GADL1: variants seen among roughly 807,000 people sequenced by gnomAD.
The protein encoded by GADL1 is GAD like acidic amino acid decarboxylase 1.
GADL1 carries 71 observed loss-of-function variants against 69.5 expected under a neutral mutation model. The ratio of observed to expected loss-of-function variants is 1.02; its 90% confidence interval spans 0.84 to 1.25. The LOEUF is 1.25. Ranked by LOEUF, GADL1 falls within the 50% of genes most tolerant of loss-of-function variation. The pLI, the probability that GADL1 is intolerant of heterozygous loss-of-function variation, is 0.00. For missense variants in GADL1, 737 were observed against 631.8 expected, an observed-to-expected ratio of 1.17 and a Z score of -1.79; for synonymous variants, 254 against 214.4, an observed-to-expected ratio of 1.18 and a Z score of -1.62.
At chr3:30,803,641 C>T (rs528529897) in intron 11 of GADL1, among the ~76,000 whole-genome samples, 1 of 152,194 alleles carries the variant, frequency 6.6e-6, no homozygotes, top group South Asian at 2.1e-4. Context: ...GCAATAGTGA[C>T]AGTTAATTTT....
At chr3:30,866,565 G>C (rs997541615) in intron 1 of GADL1, among the ~76,000 whole-genome samples, 13 of 152,040 alleles carry the variant, frequency 8.6e-5, no homozygotes, top group African/African-American at 3.1e-4. Flanking sequence ...CAAATGACCA[G>C]GGTAATAAAC....
intron 14 of GADL1, among the ~76,000 whole-genome samples, chr3:30,741,021 A>ATTAAT (rs1448117660): frequency 8.0e-4 from 70 of 87,500 alleles, no homozygotes; most frequent in African/African-American, 4.2e-3. Context: ...TATATTATAT[A>ATTAAT]ATATATTATA....
chr3:30,815,029 C>T (rs746353344), intron 11 of GADL1, among the ~76,000 whole-genome samples: 5 of 151,932 alleles, frequency 3.3e-5, no homozygotes, highest in East Asian at 3.9e-4. Flanking sequence ...ACAGTAAATA[C>T]TTAGCCACTA....
At chr3:30,792,316 T>C (rs1161306097) in intron 12 of GADL1, among the ~76,000 whole-genome samples, 3 of 152,204 alleles carry the variant, frequency 2.0e-5, no homozygotes, top group African/African-American at 2.4e-5. Flanking sequence ...CTTATGCCTA[T>C]AATCCTAGCA....
At chr3:30,779,961 G>C (rs1264776505) in intron 13 of GADL1, among the ~76,000 whole-genome samples, 1 of 152,100 alleles carries the variant, frequency 6.6e-6, no homozygotes, top group Admixed American at 6.6e-5. Flanking sequence ...CAGAATCTGT[G>C]GTTCATTTCA....
chr3:30,730,875 G>C (rs963654898), intron 14 of GADL1, among the ~76,000 whole-genome samples: 66 of 152,258 alleles, frequency 4.3e-4, no homozygotes, highest in Non-Finnish European at 7.4e-5. Context: ...GTGTGTGCCT[G>C]TGCATATATG....
chr3:30,885,812 G>T (rs1575248440), intron 1 of GADL1, among the ~76,000 whole-genome samples: 1 of 151,582 alleles, frequency 6.6e-6, no homozygotes. Flanking sequence ...TCACCATGCT[G>T]CCCAGGCTGG....
At chr3:30,737,053 A>C (rs1288840287) in intron 14 of GADL1, among the ~76,000 whole-genome samples, 1 of 152,174 alleles carries the variant, frequency 6.6e-6, no homozygotes, top group Non-Finnish European at 1.5e-5. Context: ...AAGGTTGAAG[A>C]ATACTATTTG....
intron 13 of GADL1, among the ~76,000 whole-genome samples, chr3:30,779,293 C>A (rs1191794166): frequency 6.6e-6 from 1 of 152,214 alleles, no homozygotes; most frequent in Admixed American, 6.5e-5. Flanking sequence ...ATGCTTCACA[C>A]TGACAATATT....
At chr3:30,884,890 A>ACTG (rs1159080184) in intron 1 of GADL1, among the ~76,000 whole-genome samples, 4 of 152,026 alleles carry the variant, frequency 2.6e-5, no homozygotes, top group Non-Finnish European at 5.9e-5. Flanking sequence ...CCTAGGAGGT[A>ACTG]AGCAGTGTTG....
At chr3:30,823,719 G>A (rs1219859068) in intron 11 of GADL1, among the ~76,000 whole-genome samples, 1 of 151,966 alleles carries the variant, frequency 6.6e-6, no homozygotes, top group Non-Finnish European at 1.5e-5. Flanking sequence ...GAAGTTAACA[G>A]AAGAGATGGT....
In GADL1 at chr3:30,728,523, C is replaced by A. The variant is rs1432637250; in HGVS notation, c.1393-108G>T. The stretch of plus-strand genomic sequence containing the variant: ...TTACTGGGCATCCACTGGTTTGGAT[C>A]CCATTCTCATTCACACAAGGTTGAC... On this transcript the variant is annotated intron_variant, in intron 14 of 14. Transcript: ENST00000282538. 6 of 788,672 alleles carry A rather than the reference C, an allele frequency of 7.6e-6. No homozygotes were observed. In the East Asian group the frequency reaches 1.6e-4, roughly 21 times the overall value. 48.9% of individuals were successfully genotyped at this position (788,672 alleles called of 1,614,324 possible).
chr3:30,776,565 C>T (rs9810721), intron 14 of GADL1, among the ~76,000 whole-genome samples: 22,183 of 152,152 alleles, frequency 0.15, 4,257 homozygotes, highest in African/African-American at 0.43. Flanking sequence ...TCTTTGCTCC[C>T]TGAGAGGGTT....
intron 14 of GADL1, among the ~76,000 whole-genome samples, chr3:30,776,427 A>G (rs1696537370): frequency 6.6e-6 from 1 of 152,162 alleles, no homozygotes; most frequent in South Asian, 2.1e-4. Context: ...GGGTTACTTA[A>G]CATCTGAAAT....
chr3:30,867,423 C>CATATATATATATATATATATATATATAT (rs148660336), intron 1 of GADL1, among the ~76,000 whole-genome samples: 40 of 115,070 alleles, frequency 3.5e-4, no homozygotes, highest in African/African-American at 1.0e-3. Flanking sequence ...TACAATACTA[C>CATATATATATATATATATATATATATAT]ATATATATAT....
intron 1 of GADL1, among the ~76,000 whole-genome samples, chr3:30,893,928 C>G (rs1698818255): frequency 6.6e-6 from 1 of 152,112 alleles, no homozygotes; most frequent in Admixed American, 6.5e-5. Context: ...TCCTAAAACG[C>G]CAACAACTAG....
intron 1 of GADL1, among the ~76,000 whole-genome samples, chr3:30,878,787 T>C (rs1273051613): frequency 6.6e-6 from 1 of 151,910 alleles, no homozygotes; most frequent in Non-Finnish European, 1.5e-5. Context: ...AGAGAAAATA[T>C]AGTATCCTTA....
chr3:30,855,290 T>C (rs1389970989), intron 3 of GADL1, among the ~76,000 whole-genome samples: 4 of 152,106 alleles, frequency 2.6e-5, no homozygotes, highest in Non-Finnish European at 5.9e-5. Flanking sequence ...TGCTCCTCTT[T>C]TTTACAACCC....
At chr3:30,820,119 A>G (rs1366546139) in intron 11 of GADL1, among the ~76,000 whole-genome samples, 2 of 151,950 alleles carry the variant, frequency 1.3e-5, no homozygotes, top group Non-Finnish European at 2.9e-5. Flanking sequence ...ATCCACTAAT[A>G]TATTTAAAAT....
Sources: allele counts gnomAD v4.1 joint callset (sites outside exome capture counted in the v4.1 genomes callset), GRCh38; gene constraint gnomAD v4.1.1; transcripts MANE v1.5; gene names NCBI Gene and HGNC (gene_info 2026-07-23, HGNC 2026-07-21).